The following PCDH9 variants were observed in gnomAD, a reference collection of about 807,000 sequenced individuals.
The protein encoded by PCDH9 is protocadherin 9, also known as protocadherin-9.
PCDH9 carries 24 observed loss-of-function variants against 70.6 expected under a neutral mutation model. That is an observed-to-expected ratio of 0.34 (90% CI 0.25 to 0.48). The LOEUF is 0.48. PCDH9 is among the 20% of genes least tolerant of loss of function. PCDH9 has a pLI of 0.99. For synonymous variants in PCDH9, 562 were observed against 558.5 expected (o/e 1.01, Z -0.09); for missense variants, 1,281 against 1,503.6 (o/e 0.85, Z 2.45).
chr13:66,563,461 C>G (rs2138715643), intron 4 of PCDH9, among the ~76,000 whole-genome samples: 1 of 152,306 alleles, frequency 6.6e-6, no homozygotes, highest in East Asian at 1.9e-4. Context: ...CCACAACGAT[C>G]TATTACAATT....
At chr13:66,877,398 T>G (rs1185790773) in intron 3 of PCDH9, among the ~76,000 whole-genome samples, 4 of 150,858 alleles carry the variant, frequency 2.7e-5, no homozygotes, top group Non-Finnish European at 4.4e-5. Flanking sequence ...TTTTTTTTTG[T>G]TATTATTTTT....
chr13:66,332,958 C>G (rs774996188), intron 4 of PCDH9, among the ~76,000 whole-genome samples: 2 of 152,024 alleles, frequency 1.3e-5, no homozygotes, highest in Non-Finnish European at 2.9e-5. Flanking sequence ...TTGAGTTTTA[C>G]TCTCTTAGCA....
intron 3 of PCDH9, among the ~76,000 whole-genome samples, chr13:66,779,873 A>ATGTGTCTG (rs2079968480): frequency 8.6e-6 from 1 of 115,878 alleles, no homozygotes; most frequent in African/African-American, 3.4e-5. Flanking sequence ...ATATACATAT[A>ATGTGTCTG]TGTGTGTGTG....
intron 4 of PCDH9, among the ~76,000 whole-genome samples, chr13:66,510,805 T>C (rs1959435756): frequency 6.6e-6 from 1 of 152,236 alleles, no homozygotes; most frequent in South Asian, 2.1e-4. Context: ...TTGTGAATAG[T>C]GCCACAATAA....
chr13:66,736,458 A>C (rs1024670787), intron 3 of PCDH9, among the ~76,000 whole-genome samples: 4 of 152,226 alleles, frequency 2.6e-5, no homozygotes, highest in Non-Finnish European at 5.9e-5. Context: ...GAAACCAAAT[A>C]TACCCATACC....
At chr13:66,478,896 A>T (rs971664657) in intron 4 of PCDH9, among the ~76,000 whole-genome samples, 1 of 152,230 alleles carries the variant, frequency 6.6e-6, no homozygotes, top group Non-Finnish European at 1.5e-5. Flanking sequence ...CAGATTTTCA[A>T]CGTAGATAAA....
intron 2 of PCDH9, among the ~76,000 whole-genome samples, chr13:67,159,932 C>T (rs766754845): frequency 2.0e-5 from 3 of 151,962 alleles, no homozygotes; most frequent in East Asian, 3.9e-4. Context: ...TTTGCATAGT[C>T]GCTGAGATTT....
At chr13:66,722,589 A>G (rs2139156102) in intron 3 of PCDH9, among the ~76,000 whole-genome samples, 1 of 152,204 alleles carries the variant, frequency 6.6e-6, no homozygotes, top group Middle Eastern at 3.4e-3. Flanking sequence ...TTCCTGTCTG[A>G]GTGTCTGCTG....
chr13:66,403,253 CCT>C (rs1957220474), intron 4 of PCDH9, among the ~76,000 whole-genome samples: 1 of 151,942 alleles, frequency 6.6e-6, no homozygotes, highest in Admixed American at 6.6e-5. Context: ...AATCCTCCCA[CCT>C]TAGCCTCCCG....
chr13:67,058,063 T>A, intron 2 of PCDH9, among the ~76,000 whole-genome samples: 1 of 152,194 alleles, frequency 6.6e-6, no homozygotes, highest in East Asian at 1.9e-4. Flanking sequence ...AGGCATTATG[T>A]CAGAGTTCTT....
chr13:66,706,786 T>C (rs1015008730), intron 3 of PCDH9, among the ~76,000 whole-genome samples: 2 of 152,162 alleles, frequency 1.3e-5, no homozygotes, highest in Non-Finnish European at 2.9e-5. Context: ...GCAAGATAAT[T>C]ATTTGTCAGG....
intron 4 of PCDH9, among the ~76,000 whole-genome samples, chr13:66,404,211 C>T (rs1233581126): frequency 6.6e-6 from 1 of 152,102 alleles, no homozygotes; most frequent in East Asian, 1.9e-4. Context: ...TGGCTTAATT[C>T]TGATAAATAA....
chr13:66,628,962 T>C (rs761106483), intron 4 of PCDH9, among the ~76,000 whole-genome samples: 9 of 152,118 alleles, frequency 5.9e-5, no homozygotes, highest in Non-Finnish European at 7.3e-5. Flanking sequence ...GCTTTCTAGT[T>C]GAAATAAATT....
At chr13:66,996,023 T>C (rs1264732866) in intron 2 of PCDH9, among the ~76,000 whole-genome samples, 1 of 152,226 alleles carries the variant, frequency 6.6e-6, no homozygotes, top group Non-Finnish European at 1.5e-5. Flanking sequence ...CTCCAGAAGA[T>C]ACAAATATGT....
At chr13:66,852,859 A>T (rs2081336738) in intron 3 of PCDH9, among the ~76,000 whole-genome samples, 1 of 152,158 alleles carries the variant, frequency 6.6e-6, no homozygotes, top group Admixed American at 6.6e-5. Flanking sequence ...AATCTACTTG[A>T]TTAGACTATC....
intron 2 of PCDH9, among the ~76,000 whole-genome samples, chr13:67,159,188 C>T (rs553087793): frequency 6.6e-6 from 1 of 152,130 alleles, no homozygotes; most frequent in Non-Finnish European, 1.5e-5. Context: ...GAACTCTAGG[C>T]AAGAGGGTTG....
chr13:66,419,168 A>G (rs1489887044), intron 4 of PCDH9, among the ~76,000 whole-genome samples: 3 of 152,066 alleles, frequency 2.0e-5, no homozygotes, highest in Non-Finnish European at 2.9e-5. Context: ...CAAACAATAG[A>G]AAAAGAGGGA....
intron 2 of PCDH9, among the ~76,000 whole-genome samples, chr13:67,144,166 G>A (rs889422929): frequency 1.3e-5 from 2 of 152,116 alleles, no homozygotes; most frequent in African/African-American, 2.4e-5. Flanking sequence ...TCCCTTTCCT[G>A]GTGTTGCCAC....
chr13:66,990,471 TATATC>T (rs2083978997), intron 2 of PCDH9, among the ~76,000 whole-genome samples: 2 of 151,232 alleles, frequency 1.3e-5, no homozygotes, highest in Non-Finnish European at 3.0e-5. Context: ...ATTTGCTTAA[TATATC>T]ATATTCTTTT....
Sources: gnomAD v4.1 joint callset for allele counts (sites outside exome capture counted in the v4.1 genomes callset) on GRCh38, gnomAD v4.1.1 for gene constraint, MANE v1.5 for transcripts, NCBI Gene and HGNC (gene_info 2026-07-23, HGNC 2026-07-21) for gene names.